TMIGD1: variants seen among roughly 807,000 people sequenced by gnomAD.
TMIGD1 encodes transmembrane and immunoglobulin domain-containing protein 1.
Under a neutral mutation model 27.5 loss-of-function variants are expected in TMIGD1, and 29 were observed. That is an observed-to-expected ratio of 1.05 (90% confidence interval 0.78 to 1.44). The LOEUF (loss-of-function observed/expected upper bound fraction) is 1.44, where lower values mean the gene tolerates loss of function less well. TMIGD1 is among the 40% of genes most tolerant of loss of function. The probability of loss-of-function intolerance (pLI) is 0.00; values close to 1 mark genes in which losing one functional copy is unlikely to be tolerated. For synonymous variants in TMIGD1, 109 were observed against 110.3 expected (o/e 0.99, Z 0.07); for missense variants, 334 against 310.6 (o/e 1.08, Z -0.57).
intron 3 of TMIGD1, among the ~76,000 whole-genome samples, chr17:30,326,869 CCAAA>C (rs1384152097): frequency 5.9e-5 from 9 of 152,260 alleles, no homozygotes; most frequent in Admixed American, 4.6e-4. Context: ...ACATTCTCCC[CCAAA>C]CAGTGTATTA....
chr17:30,319,779 C>T (rs1909556877), intron 4 of TMIGD1, among the ~76,000 whole-genome samples: 1 of 151,860 alleles, frequency 6.6e-6, no homozygotes, highest in Non-Finnish European at 1.5e-5. Context: ...AGTGGGGAGC[C>T]TTGTACCTGT....
intron 4 of TMIGD1, among the ~76,000 whole-genome samples, chr17:30,319,261 A>AAAAAAAAAAAAAAAAATATATATATAT: frequency 6.1e-4 from 42 of 68,980 alleles, no homozygotes; most frequent in Middle Eastern, 7.0e-3. Context: ...AAAAAAAAAA[A>AAAAAAAAAAAAAAAAATATATATATAT]ATATATATAT....
At chr17:30,328,530 G>C (rs1909861315) in intron 3 of TMIGD1, among the ~76,000 whole-genome samples, 1 of 151,896 alleles carries the variant, frequency 6.6e-6, no homozygotes, top group Non-Finnish European at 1.5e-5. Flanking sequence ...CCCTTGTACA[G>C]ATTAATGAGA....
chr17:30,324,177 A>G (rs1462209725), intron 4 of TMIGD1, among the ~76,000 whole-genome samples: 1 of 152,158 alleles, frequency 6.6e-6, no homozygotes, highest in Non-Finnish European at 1.5e-5. Context: ...CCATGTGTGA[A>G]TGAGCATTTT....
intron 4 of TMIGD1, among the ~76,000 whole-genome samples, chr17:30,320,636 A>G (rs1909587049): frequency 6.6e-6 from 1 of 152,210 alleles, no homozygotes; most frequent in South Asian, 2.1e-4. Flanking sequence ...ATTTTATAGC[A>G]GAAAGCACAT....
intron 2 of TMIGD1, among the ~76,000 whole-genome samples, chr17:30,331,664 C>T (rs1395492595): frequency 6.6e-6 from 1 of 150,992 alleles, no homozygotes; most frequent in Non-Finnish European, 1.5e-5. Context: ...GGCTCACTCA[C>T]TGCAAGCTCC....
intron 4 of TMIGD1, among the ~76,000 whole-genome samples, chr17:30,322,804 G>T (rs1442678648): frequency 6.6e-6 from 1 of 152,166 alleles, no homozygotes; most frequent in Non-Finnish European, 1.5e-5. Flanking sequence ...CTGGCTGACA[G>T]CTCTTATTCT....
chr17:30,331,188 T>A (rs1909965060), intron 2 of TMIGD1, among the ~76,000 whole-genome samples: 1 of 152,144 alleles, frequency 6.6e-6, no homozygotes, highest in African/African-American at 2.4e-5. Context: ...AAGTGAGACT[T>A]CTTCTCAAAA....
At chr17:30,324,077 G>A (rs1049588183) in intron 4 of TMIGD1, among the ~76,000 whole-genome samples, 1 of 152,214 alleles carries the variant, frequency 6.6e-6, no homozygotes, top group African/African-American at 2.4e-5. Flanking sequence ...GTGAGTACAG[G>A]GAGGCAAATG....
chr17:30,331,240 T>A (rs1909967388), intron 2 of TMIGD1, among the ~76,000 whole-genome samples: 1 of 152,134 alleles, frequency 6.6e-6, no homozygotes, highest in Non-Finnish European at 1.5e-5. Flanking sequence ...ATGGTATTGT[T>A]GTCTAGTATT....
intron 2 of TMIGD1, among the ~76,000 whole-genome samples, chr17:30,330,165 T>C (rs1909929185): frequency 6.6e-6 from 1 of 151,066 alleles, no homozygotes; most frequent in African/African-American, 2.5e-5. Context: ...ATTGTGTTGT[T>C]TAAAGGCACC....
At chr17:30,328,097 G>A (rs1330147438) in intron 3 of TMIGD1, among the ~76,000 whole-genome samples, 1 of 151,104 alleles carries the variant, frequency 6.6e-6, no homozygotes, top group South Asian at 2.1e-4. Flanking sequence ...TGCAGTGGTG[G>A]CATCTCAGCT....
Position 30,317,206 on chromosome 17 carries a change from T to G in TMIGD1, c.772A>C (p.Ser258Arg). 6.2e-7 allele frequency: 1 copy of G among 1,614,116 alleles called. No homozygotes were observed. Among genetic ancestry groups the G allele is most frequent in the Non-Finnish European group, 8.5e-7 (1 of 1,179,978 alleles). Residue 258 changes from serine to arginine, a missense_variant, in exon 6 of 7, where the codon AGT becomes CGT. By Grantham distance (110) the Ser-to-Arg change is moderately radical (BLOSUM62 -1). Coordinates refer to ENST00000328886, the MANE Select transcript of TMIGD1 (RefSeq NM_206832.3). ...KLCMKDKDPH[S>R]ETAL ...TAGAGTACTTACAGAGCTGTTTCAC[T>G]GTGAGGGTCTTTATCCTTCATGCAG... is the stretch of plus-strand genomic sequence containing the variant.
Position 30,320,301 on chromosome 17 carries a change from G to A in TMIGD1, c.641-1388C>T, listed in dbSNP as rs1439133310. ...TCCGCCTTCCTTGGCCTCCCTAAGTGCTTGGATTACAGGTATGAGCCACCG... is the reference window on the plus strand; with the variant it reads ...TCCGCCTTCCTTGGCCTCCCTAAGTACTTGGATTACAGGTATGAGCCACCG... On this transcript the variant is annotated intron_variant, in intron 4 of 6. Coordinates refer to ENST00000328886, the MANE Select transcript of TMIGD1 (RefSeq NM_206832.3). Among the ~76,000 whole-genome samples, 5 of 152,176 alleles carry A rather than the reference G, an allele frequency of 3.3e-5. No homozygotes were observed. The East Asian group carries it at 9.7e-4, about 29-fold the overall frequency.
intron 4 of TMIGD1, among the ~76,000 whole-genome samples, 187 bp downstream of exon 4, chr17:30,324,629 G>A (rs1009793968): frequency 2.0e-5 from 3 of 152,114 alleles, no homozygotes; most frequent in Non-Finnish European, 4.4e-5. Context: ...GTATGGAATG[G>A]GCATGATTTC....
At position 30,332,141 on chromosome 17, in the gene TMIGD1, G is replaced by A; in HGVS notation, c.-8C>T. ...ACTGCTCTTCCATGCCATCTTTAATGAGTTAAACTCAGATCTACTAAGGGA... is the reference window on the plus strand; with the variant it reads ...ACTGCTCTTCCATGCCATCTTTAATAAGTTAAACTCAGATCTACTAAGGGA... On this transcript the variant is annotated 5_prime_UTR_variant, in exon 2 of 7. Transcript: ENST00000328886. The A allele has an allele frequency of 6.2e-7, 1 of 1,610,488 alleles. No homozygotes were observed. The highest frequency in any genetic ancestry group is 8.5e-7 in the Non-Finnish European group (1 of 1,177,936).
chr17:30,324,416 TC>T (rs1909709947), intron 4 of TMIGD1, among the ~76,000 whole-genome samples: 1 of 152,180 alleles, frequency 6.6e-6, no homozygotes, highest in Admixed American at 6.5e-5. Context: ...ATTGTAGGGA[TC>T]CATTTTCTTA....
At chr17:30,323,043 C>T (rs549557627) in intron 4 of TMIGD1, among the ~76,000 whole-genome samples, 1 of 151,860 alleles carries the variant, frequency 6.6e-6, no homozygotes, top group Admixed American at 6.6e-5. Flanking sequence ...TCTGATGGCA[C>T]GCACCTGTCC....
chr17:30,319,026 A>T (rs1287027580), intron 4 of TMIGD1, 113 bp from the exon 5 acceptor site: 1 of 744,790 alleles, frequency 1.3e-6, no homozygotes, highest in Non-Finnish European at 2.3e-6. Context: ...AAACCTTCTC[A>T]ACAATCTCAA....
Sources: allele counts gnomAD v4.1 joint callset (sites outside exome capture counted in the v4.1 genomes callset), GRCh38; gene constraint gnomAD v4.1.1; transcripts MANE v1.5; gene names NCBI Gene and HGNC (gene_info 2026-07-23, HGNC 2026-07-21).